Variants in KCNH1 observed in about 807,000 individuals in gnomAD.
KCNH1 encodes the protein potassium voltage-gated channel subfamily H member 1.
A neutral mutation model predicts 69.2 loss-of-function variants in KCNH1; 27 were observed. That is an observed-to-expected ratio of 0.39 (90% CI 0.29 to 0.54). KCNH1 has a LOEUF of 0.54. KCNH1 is among the 20% of genes least tolerant of loss of function. The pLI is 0.68. For missense variants in KCNH1, 798 were observed against 1,261.6 expected, an observed-to-expected ratio of 0.63 and a Z score of 5.57; for synonymous variants, 456 against 487.7, an observed-to-expected ratio of 0.93 and a Z score of 0.86.
At chr1:211,064,514 T>C (rs911488923) in intron 5 of KCNH1, among the ~76,000 whole-genome samples, 10 of 152,038 alleles carry the variant, frequency 6.6e-5, no homozygotes, top group Admixed American at 5.2e-4. Flanking sequence ...TGAGCCAAGA[T>C]TGCGCCACTG....
intron 6 of KCNH1, among the ~76,000 whole-genome samples, chr1:210,989,257 A>AT (rs954675242): frequency 1.4e-4 from 22 of 152,308 alleles, no homozygotes; most frequent in African/African-American, 3.4e-4. Context: ...CTGTGGATAC[A>AT]TTTTTTTAAC....
chr1:211,057,685 G>C (rs1690338247), intron 5 of KCNH1, among the ~76,000 whole-genome samples: 1 of 150,766 alleles, frequency 6.6e-6, no homozygotes, highest in African/African-American at 2.4e-5. Context: ...AAAGAAGACA[G>C]AGAGAGAGAG....
intron 1 of KCNH1, among the ~76,000 whole-genome samples, chr1:211,125,103 A>G (rs1262759458): frequency 1.3e-5 from 2 of 152,222 alleles, no homozygotes; most frequent in African/African-American, 2.4e-5. Context: ...ACCTTTAATC[A>G]GGGGAAAACA....
At chr1:210,819,067 G>A (rs558579667) in intron 7 of KCNH1, among the ~76,000 whole-genome samples, 12 of 152,092 alleles carry the variant, frequency 7.9e-5, no homozygotes, top group Admixed American at 5.9e-4. Context: ...GGAAAAGAGT[G>A]TAATGTCTTT....
chr1:210,853,935 T>C (rs1227109560), intron 7 of KCNH1, among the ~76,000 whole-genome samples: 1 of 60,618 alleles, frequency 1.6e-5, no homozygotes, highest in Non-Finnish European at 3.1e-5. Flanking sequence ...AGTAAAAGCA[T>C]TTATCTAAGC....
intron 1 of KCNH1, among the ~76,000 whole-genome samples, chr1:211,132,093 C>CA (rs1253388320): frequency 1.3e-5 from 2 of 152,188 alleles, no homozygotes; most frequent in Non-Finnish European, 2.9e-5. Context: ...TCCCTCCACT[C>CA]AAAAACATAC....
intron 3 of KCNH1, 31 bp downstream of exon 3, chr1:211,103,465 A>G: frequency 7.3e-7 from 1 of 1,366,038 alleles, no homozygotes; most frequent in African/African-American, 1.4e-5. Context: ...AAACACATAA[A>G]GGTATGGTTC....
chr1:210,955,338 T>C (rs1317090516), intron 6 of KCNH1, among the ~76,000 whole-genome samples: 1 of 152,242 alleles, frequency 6.6e-6, no homozygotes, highest in Non-Finnish European at 1.5e-5. Context: ...GGTAGCGTGA[T>C]GCCTCCAGCT....
At position 211,012,034 on chromosome 1, in the gene KCNH1, C is replaced by G. The variant is rs183266234; in HGVS notation, c.1032+6749G>C. 3.6e-3 allele frequency among the ~76,000 whole-genome samples: 554 copies of G among 152,318 alleles called. 3 individuals are homozygous for G. Among genetic ancestry groups the G allele is most frequent in the African/African-American group, 0.01 (425 of 41,570 alleles). On this transcript the variant is annotated intron_variant, in intron 6 of 10. Transcript: ENST00000271751. ...AGAAATGCACTCATCCGCAGCACTT[C>G]CTGCTGCTAACAAGACACAGGAGTG...
chr1:210,683,596 G>C lies in KCNH1; in HGVS notation c.2655C>G (p.Thr885=). 1 of 1,614,158 alleles carries C rather than the reference G, an allele frequency of 6.2e-7. No individual in the cohort carries two copies. The highest frequency in any genetic ancestry group is 8.5e-7 in the Non-Finnish European group (1 of 1,180,034). ...KKTDSCDSGI[T]KSDLRLDNVG... ...CGTTGTCCAGGCGCAAGTCGCTCTTGGTGATGCCACTGTCACACGAGTCTG... is the reference window on the plus strand; with the variant it reads ...CGTTGTCCAGGCGCAAGTCGCTCTTCGTGATGCCACTGTCACACGAGTCTG... The change falls in exon 11 of 11, where the codon ACC becomes ACG. Residue 885 remains threonine, a synonymous_variant. Transcript: ENST00000271751. The surrounding 1 kb of genome is among the most constrained non-coding windows in gnomAD (Gnocchi z 5.7).
chr1:210,934,593 C>T (rs941906326), intron 6 of KCNH1, among the ~76,000 whole-genome samples: 9 of 151,750 alleles, frequency 5.9e-5, no homozygotes, highest in South Asian at 4.1e-4. Context: ...GAGCCGAAAG[C>T]GTGCCACTGC....
chr1:210,690,455 C>T (rs908653889), intron 10 of KCNH1, among the ~76,000 whole-genome samples: 1 of 152,158 alleles, frequency 6.6e-6, no homozygotes, highest in African/African-American at 2.4e-5. Flanking sequence ...CGTAGCTTTC[C>T]TCGTGGTTTC....
rs1574262121 is a variant in KCNH1 at position 210,797,400 on chromosome 1, C to T, written c.1915+108G>A. On this transcript the variant is annotated intron_variant, in intron 9 of 10. Coordinates refer to ENST00000271751, the MANE Select transcript of KCNH1 (RefSeq NM_172362.3). ...TAGATAAGTGAATATTAGCAATTGGCCCTGCCCTATGAAGCAATCTCTAAC... is the reference window on the plus strand; with the variant it reads ...TAGATAAGTGAATATTAGCAATTGGTCCTGCCCTATGAAGCAATCTCTAAC... 2.4e-6 allele frequency: 3 copies of T among 1,250,454 alleles called. No homozygotes were observed. In the African/African-American group the frequency reaches 4.4e-5, roughly 18 times the overall value. The allele number at this position is 1,250,454 out of a possible 1,614,324, so 77.5% of individuals were successfully genotyped here.
Position 211,130,409 on chromosome 1 carries a change from A to T in KCNH1, c.79+3458T>A, listed in dbSNP as rs971235327. ...GTTTTTTAAATACAGTGACAGGCCT[A>T]AACAGTCGCAGCCGGTCAACACTGT... On this transcript the variant is annotated intron_variant, in intron 1 of 10. Transcript: ENST00000271751. Among the ~76,000 whole-genome samples, 8 of 152,204 alleles carry T rather than the reference A, an allele frequency of 5.3e-5. 1 individual carries two copies.
chr1:211,048,297 A>G (rs1690130425), intron 5 of KCNH1, among the ~76,000 whole-genome samples: 1 of 152,222 alleles, frequency 6.6e-6, no homozygotes, highest in South Asian at 2.1e-4. Flanking sequence ...AACTAAAAGT[A>G]GATCTACCAT....
intron 6 of KCNH1, among the ~76,000 whole-genome samples, chr1:210,943,689 A>G (rs1687911271): frequency 6.6e-6 from 1 of 152,166 alleles, no homozygotes; most frequent in African/African-American, 2.4e-5. Flanking sequence ...GGTTGCATAT[A>G]AGCACCAAGT....
At chr1:210,837,893 ATTG>A (rs1223195445) in intron 7 of KCNH1, among the ~76,000 whole-genome samples, 3 of 152,210 alleles carry the variant, frequency 2.0e-5, no homozygotes, top group African/African-American at 7.2e-5. Flanking sequence ...GCTAGGTATC[ATTG>A]TTGTTATTTT....
At chr1:210,924,776 A>G (rs905755670) in intron 6 of KCNH1, among the ~76,000 whole-genome samples, 2 of 152,140 alleles carry the variant, frequency 1.3e-5, no homozygotes, top group Non-Finnish European at 2.9e-5. Flanking sequence ...GTGATGTGCA[A>G]TTCCAGGGTT....
intron 10 of KCNH1, among the ~76,000 whole-genome samples, chr1:210,768,327 A>G (rs1683680838): frequency 6.6e-6 from 1 of 152,196 alleles, no homozygotes; most frequent in South Asian, 2.1e-4. Flanking sequence ...GAGGTTAGGT[A>G]ACTGGCCTGA....
Sources: allele counts gnomAD v4.1 joint callset (sites outside exome capture counted in the v4.1 genomes callset), GRCh38; gene constraint gnomAD v4.1.1; non-coding constraint Gnocchi (gnomAD v3.1); transcripts MANE v1.5; gene names NCBI Gene and HGNC (gene_info 2026-07-23, HGNC 2026-07-21).